TACC3: variants seen among roughly 807,000 people sequenced by gnomAD.
The protein encoded by TACC3 is transforming acidic coiled-coil-containing protein 3.
In TACC3, 52 loss-of-function variants were observed where a neutral mutation model predicts 86.0. The ratio of observed to expected loss-of-function variants is 0.60; its 90% CI spans 0.48 to 0.76. The LOEUF (loss-of-function observed/expected upper bound fraction) is 0.76, where lower values mean the gene tolerates loss of function less well. Ranked by LOEUF, TACC3 falls within the 30% of genes least tolerant of loss-of-function variation. The probability of loss-of-function intolerance (pLI) is 0.00; values close to 1 mark genes in which losing one functional copy is unlikely to be tolerated. For missense variants in TACC3, 1,120 were observed against 1,070.4 expected (o/e 1.05, Z -0.65); for synonymous variants, 512 against 430.0 (o/e 1.19, Z -2.36).
intron 4 of TACC3, among the ~76,000 whole-genome samples, chr4:1,729,449 A>C (rs780985975): frequency 4.6e-5 from 7 of 152,196 alleles, no homozygotes; most frequent in Non-Finnish European, 8.8e-5. Context: ...CTTATTGGAT[A>C]CAAGGCAAGG....
At chr4:1,739,442 C>T in intron 10 of TACC3, 2 of 560,220 alleles carry the variant, frequency 3.6e-6, no homozygotes, top group Non-Finnish European at 6.4e-6. Flanking sequence ...GGACACACAC[C>T]TGTTGGGTGC....
chr4:1,737,794 CATCCCT>C (rs758083686), intron 10 of TACC3, 92 bp downstream of exon 10: 22 of 454,562 alleles, frequency 4.8e-5, no homozygotes, highest in South Asian at 9.6e-5. Context: ...CCTGACCCGC[CATCCCT>C]GCCATCCCTG....
Position 1,727,793 on chromosome 4 carries a change from G to T in TACC3, c.391G>T (p.Asp131Tyr), listed in dbSNP as rs779644155. 5 of 1,613,184 alleles carry T rather than the reference G, an allele frequency of 3.1e-6. No homozygotes were observed. The South Asian group carries it at 5.5e-5, about 18-fold the overall frequency. ...PVEADTDLLG[D>Y]ASPAFGSGSS... ...GGAGGCTGACACCGACCTCCTGGGGGATGCAAGCCCAGCCTTTGGGAGTGG... is the reference window on the plus strand; with the variant it reads ...GGAGGCTGACACCGACCTCCTGGGGTATGCAAGCCCAGCCTTTGGGAGTGG... Residue 131 changes from aspartate to tyrosine, a missense_variant, in exon 4 of 16, where the codon GAT (aspartate) becomes TAT (tyrosine). Physicochemically the swap from Asp to Tyr is radical, Grantham distance 160 (BLOSUM62 -3). Coordinates refer to ENST00000313288, the MANE Select transcript of TACC3 (RefSeq NM_006342.3).
chr4:1,728,239 G>A lies in TACC3; in HGVS notation c.837G>A (p.Val279=). 6.2e-7 allele frequency: 1 copy of A among 1,612,356 alleles called. No individual in the cohort carries two copies. Among genetic ancestry groups the A allele is most frequent in the Non-Finnish European group, 8.5e-7 (1 of 1,179,862 alleles). The change falls in exon 4 of 16, where the codon GTG becomes GTA. Residue 279 remains valine (V), a synonymous_variant. Transcript: ENST00000313288. ...PGEALGCPAG[V]GTPVPADGTQ... ...AAGCCCTGGGCTGCCCTGCGGGTGT[G>A]GGCACCCCCGTGCCAGCAGATGGCA...
At chr4:1,730,211 T>A (rs1717932332) in intron 4 of TACC3, among the ~76,000 whole-genome samples, 1 of 152,136 alleles carries the variant, frequency 6.6e-6, no homozygotes, top group South Asian at 2.1e-4. Context: ...GCTAATTTTT[T>A]TGTATTTTTT....
upstream of TACC3, chr4:1,720,678 G>C (rs975744106): frequency 1.4e-5 from 21 of 1,550,156 alleles, no homozygotes; most frequent in Admixed American, 3.9e-5. The surrounding 1 kb of genome is among the most constrained non-coding windows in gnomAD (Gnocchi z 4.4). Context: ...GCCGTGCGGC[G>C]CAAGTGGAAG....
At chr4:1,732,112 C>T (rs1052324313) in intron 6 of TACC3, among the ~76,000 whole-genome samples, 2 of 149,166 alleles carry the variant, frequency 1.3e-5, no homozygotes, top group Non-Finnish European at 3.0e-5. Flanking sequence ...ATGGTTTGTC[C>T]ATAAGATTGG....
chr4:1,729,288 T>C (rs1020059671), intron 4 of TACC3, among the ~76,000 whole-genome samples: 6 of 152,154 alleles, frequency 3.9e-5, no homozygotes, highest in African/African-American at 1.4e-4. Flanking sequence ...CTACTGGGTC[T>C]GTGGGTTTTT....
intron 3 of TACC3, 57 bp from the exon 4 acceptor site, chr4:1,727,651 G>A: frequency 6.6e-7 from 1 of 1,523,214 alleles, no homozygotes; most frequent in South Asian, 1.3e-5. Context: ...TGAATGCTGA[G>A]GCCCCTAACC....
At position 1,727,962 on chromosome 4, in the gene TACC3, G is replaced by A. The variant is rs759158805; in HGVS notation, c.560G>A (p.Ser187Asn). 8 of 1,613,524 alleles carry A rather than the reference G, an allele frequency of 5.0e-6. No individual in the cohort carries two copies. In the African/African-American group the frequency reaches 1.1e-4, roughly 22 times the overall value. ...GAGCAAGCCGTGGAGGAAAACCTTAGTTCCTATTCCTTAGACAGAAGAGTG... is the reference window on the plus strand; with the variant it reads ...GAGCAAGCCGTGGAGGAAAACCTTAATTCCTATTCCTTAGACAGAAGAGTG... ...SPEQAVEENL[S>N]SYSLDRRVTP... is the part of the protein sequence containing the mutation. Residue 187 changes from serine to asparagine, a missense_variant, in exon 4 of 16, where the codon AGT (serine) becomes AAT (asparagine). Transcript: ENST00000313288.
Position 1,744,968 on chromosome 4 carries a change from G to T in TACC3, c.2472G>T (p.Leu824=). Residue 824 remains leucine, a synonymous_variant, in exon 16 of 16, where the codon CTG becomes CTT. Transcript: ENST00000313288. ...VEQKTKENEE[L]TRICDDLISK... ...TCCAGACTAAAGAGAACGAGGAGCT[G>T]ACCAGGATCTGCGACGACCTCATCT... 1 of 1,611,820 alleles carries T rather than the reference G, an allele frequency of 6.2e-7. No individual in the cohort carries two copies. Among genetic ancestry groups the T allele is most frequent in the South Asian group, 1.1e-5 (1 of 90,716 alleles).
intron 1 of TACC3, 163 bp from the exon 2 acceptor site, chr4:1,723,258 G>A: frequency 1.4e-6 from 1 of 701,160 alleles, no homozygotes; most frequent in Non-Finnish European, 2.4e-6. Flanking sequence ...CTCAGTCTGA[G>A]GCTTTCTCTG....
Position 1,727,796 on chromosome 4 carries a change from G to A in TACC3, c.394G>A (p.Ala132Thr). Residue 132 changes from alanine (A) to threonine (T), a missense_variant, in exon 4 of 16, where the codon GCA becomes ACA. By Grantham distance (58) the Ala-to-Thr change is moderately conservative (BLOSUM62 0). Transcript: ENST00000313288. Reference sequence around the variant, plus strand: ...GGCTGACACCGACCTCCTGGGGGATGCAAGCCCAGCCTTTGGGAGTGGCAG... The same window carrying A: ...GGCTGACACCGACCTCCTGGGGGATACAAGCCCAGCCTTTGGGAGTGGCAG... Reference protein sequence around the residue: ...VEADTDLLGDASPAFGSGSSS... With the variant: ...VEADTDLLGDTSPAFGSGSSS... The A allele has an allele frequency of 6.2e-7, 1 of 1,613,276 alleles. No homozygotes were observed. The highest frequency in any genetic ancestry group is 8.5e-7 in the Non-Finnish European group (1 of 1,179,952).
At chr4:1,723,246 G>A (rs1353710052) in intron 1 of TACC3, 175 bp from the exon 2 acceptor site, 1 of 653,586 alleles carries the variant, frequency 1.5e-6, no homozygotes, top group South Asian at 2.0e-5. Flanking sequence ...GCAAGATGGG[G>A]ACTCAGTCTG....
At chr4:1,743,945 G>C (rs981721995) in intron 13 of TACC3, among the ~76,000 whole-genome samples, 1 of 152,216 alleles carries the variant, frequency 6.6e-6, no homozygotes, top group Admixed American at 6.5e-5. Flanking sequence ...AGTGAGGATG[G>C]CTGGGCTGTG....
chr4:1,731,334 C>A, intron 6 of TACC3, 33 bp downstream of exon 6: 2 of 1,610,110 alleles, frequency 1.2e-6, no homozygotes, highest in South Asian at 2.2e-5. Context: ...CACACACAGT[C>A]TGCCCGGAGG....
At chr4:1,736,402 A>G (rs7676700) in intron 8 of TACC3, among the ~76,000 whole-genome samples, 54,540 of 138,042 alleles carry the variant, frequency 0.4, 11,188 homozygotes, top group Non-Finnish European at 0.46. Context: ...CAGCCTGGGC[A>G]ACAGAGTGAG....
intron 4 of TACC3, among the ~76,000 whole-genome samples, chr4:1,729,114 G>A (rs1270562831): frequency 1.3e-5 from 2 of 152,184 alleles, no homozygotes; most frequent in African/African-American, 4.8e-5. Context: ...AACTTGACTT[G>A]GGTGTGTAAC....
chr4:1,728,731 G>C lies in TACC3; in HGVS notation c.1329G>C (p.Ala443=). 7 of 1,613,000 alleles carry C rather than the reference G, an allele frequency of 4.3e-6. No homozygotes were observed. Among genetic ancestry groups the C allele is most frequent in the Non-Finnish European group, 5.1e-6 (6 of 1,179,908 alleles). Residue 443 remains alanine, a synonymous_variant, in exon 4 of 16, where the codon GCG becomes GCC. Coordinates refer to ENST00000313288, the MANE Select transcript of TACC3 (RefSeq NM_006342.3). ...ESPETRLGQP[A]AEQLHAGPAT... ...CTGAGACCAGGCTGGGCCAGCCAGC[G>C]GCTGAACAGTTGCATGCTGGGCCTG...
Sources: gnomAD v4.1 joint callset for allele counts (sites outside exome capture counted in the v4.1 genomes callset) on GRCh38, gnomAD v4.1.1 for gene constraint, Gnocchi (gnomAD v3.1) non-coding constraint, MANE v1.5 for transcripts, NCBI Gene and HGNC (gene_info 2026-07-23, HGNC 2026-07-21) for gene names.